AGBL1: variants seen among roughly 807,000 people sequenced by gnomAD.
AGBL1 encodes the protein cytosolic carboxypeptidase 4.
In AGBL1, 130 loss-of-function variants were observed where a neutral mutation model predicts 118.9. The ratio of observed to expected loss-of-function variants is 1.09; its 90% CI spans 0.95 to 1.26. The LOEUF (loss-of-function observed/expected upper bound fraction) is 1.26. Among genes scored for constraint, AGBL1 ranks in the 50% most tolerant of loss-of-function variants. The pLI is 0.00. For missense variants in AGBL1, 1,584 were observed against 1,298.1 expected (o/e 1.22, Z -3.38); for synonymous variants, 555 against 478.9 (o/e 1.16, Z -2.08).
chr15:86,448,877 G>C (rs1490086034), intron 18 of AGBL1, among the ~76,000 whole-genome samples: 1 of 152,142 alleles, frequency 6.6e-6, no homozygotes, highest in South Asian at 2.1e-4. Flanking sequence ...GCTGATTTCC[G>C]AAGGAATATA....
chr15:86,188,703 T>C (rs1246899624), intron 5 of AGBL1, among the ~76,000 whole-genome samples: 1 of 152,168 alleles, frequency 6.6e-6, no homozygotes, highest in Non-Finnish European at 1.5e-5. Context: ...ATGTTTGACT[T>C]TATAAAAATG....
At chr15:86,105,751 A>G (rs1897018580) in intron 1 of AGBL1, among the ~76,000 whole-genome samples, 2 of 152,200 alleles carry the variant, frequency 1.3e-5, no homozygotes, top group African/African-American at 4.8e-5. Context: ...TACACAAATA[A>G]GTGTCTTCTA....
At chr15:86,574,715 C>T (rs1405334252) in intron 21 of AGBL1, among the ~76,000 whole-genome samples, 8 of 151,060 alleles carry the variant, frequency 5.3e-5, no homozygotes, top group African/African-American at 1.9e-4. Flanking sequence ...GTACCTGGGA[C>T]TACAGGCAAG....
intron 17 of AGBL1, among the ~76,000 whole-genome samples, chr15:86,376,408 CA>C (rs1434210320): frequency 6.6e-6 from 1 of 152,148 alleles, no homozygotes; most frequent in East Asian, 1.9e-4. Flanking sequence ...TAATTTATTA[CA>C]GGGAAAGAAT....
intron 22 of AGBL1, among the ~76,000 whole-genome samples, chr15:86,709,126 C>T (rs969258017): frequency 3.3e-5 from 5 of 152,106 alleles, no homozygotes; most frequent in Non-Finnish European, 7.4e-5. Flanking sequence ...CTATGGTATT[C>T]CCTCTCCTGG....
At chr15:86,563,201 G>T (rs1314050782) in intron 21 of AGBL1, among the ~76,000 whole-genome samples, 1 of 151,982 alleles carries the variant, frequency 6.6e-6, no homozygotes, top group African/African-American at 2.4e-5. Flanking sequence ...GAATGTGTTT[G>T]CTCTTGCTTC....
chr15:86,588,966 T>C (rs940354051), intron 21 of AGBL1, among the ~76,000 whole-genome samples: 1 of 152,204 alleles, frequency 6.6e-6, no homozygotes, highest in Middle Eastern at 3.2e-3. Context: ...TTCCCGTTCA[T>C]GTATCTTTCA....
intron 1 of AGBL1, among the ~76,000 whole-genome samples, chr15:86,133,635 C>G (rs1357291118): frequency 1.3e-5 from 2 of 152,308 alleles, no homozygotes; most frequent in East Asian, 1.9e-4. Flanking sequence ...TACATTCTAT[C>G]TTTACCTTGT....
At chr15:86,769,494 A>G (rs1391352678) in intron 22 of AGBL1, among the ~76,000 whole-genome samples, 4 of 151,948 alleles carry the variant, frequency 2.6e-5, no homozygotes, top group African/African-American at 9.7e-5. Context: ...GTCATTGACT[A>G]AGGACTCTGA....
At chr15:86,133,657 A>G (rs1373734060) in intron 1 of AGBL1, among the ~76,000 whole-genome samples, 2 of 152,220 alleles carry the variant, frequency 1.3e-5, no homozygotes. Context: ...CTAGACCGTG[A>G]ATACCCTTTT....
At chr15:86,171,574 G>C (rs2077415875) in intron 5 of AGBL1, among the ~76,000 whole-genome samples, 1 of 152,088 alleles carries the variant, frequency 6.6e-6, no homozygotes, top group Non-Finnish European at 1.5e-5. Context: ...AAGAGAAAAA[G>C]GTAGTTGAAG....
At chr15:86,170,427 A>G (rs2077398167) in intron 5 of AGBL1, among the ~76,000 whole-genome samples, 1 of 152,206 alleles carries the variant, frequency 6.6e-6, no homozygotes, top group African/African-American at 2.4e-5. Flanking sequence ...AGGTAGGGAC[A>G]GAAAAAAATA....
Position 87,002,410 on chromosome 15 carries a change from G to A in AGBL1, c.3323+14322G>A, listed in dbSNP as rs1285349998. ...GTAGTATAGTTTGAAGTCAGGTAGT[G>A]TGATGCCTCCAGCTTTGTTCTTTGG... On this transcript the variant is annotated intron_variant, in intron 24 of 24. Coordinates refer to the AGBL1 transcript ENST00000441037. Among the ~76,000 whole-genome samples the A allele has an allele frequency of 7.2e-5, 11 of 151,960 alleles. No homozygotes were observed. The South Asian group carries it at 8.3e-4, about 12-fold the overall frequency.
chr15:86,889,309 G>A (rs1191930533), intron 22 of AGBL1, among the ~76,000 whole-genome samples: 1 of 127,948 alleles, frequency 7.8e-6, no homozygotes, highest in Non-Finnish European at 1.5e-5. Flanking sequence ...AGTGCTTTCG[G>A]CAAATCTATA....
intron 21 of AGBL1, among the ~76,000 whole-genome samples, chr15:86,577,820 G>T (rs2084114249): frequency 9.0e-6 from 1 of 111,356 alleles, no homozygotes; most frequent in African/African-American, 3.6e-5. Context: ...GCCTGTGAGT[G>T]CACAGAAGTC....
chr15:86,156,334 G>T (rs2141697398), intron 4 of AGBL1, among the ~76,000 whole-genome samples: 1 of 152,226 alleles, frequency 6.6e-6, no homozygotes, highest in East Asian at 1.9e-4. Flanking sequence ...GTCCTCACAA[G>T]GTCTTTCTTC....
intron 6 of AGBL1, 63 bp from the exon 7 acceptor site, chr15:86,247,608 A>T (rs1354507742): frequency 8.3e-6 from 12 of 1,452,646 alleles, no homozygotes; most frequent in Non-Finnish European, 1.0e-5. Flanking sequence ...ACACTGGAAC[A>T]TTCTCAAAGA....
intron 22 of AGBL1, among the ~76,000 whole-genome samples, chr15:86,836,426 A>G (rs1447838790): frequency 6.6e-6 from 1 of 152,158 alleles, no homozygotes; most frequent in African/African-American, 2.4e-5. Flanking sequence ...AAATTAATTA[A>G]CACAGTGTAA....
At chr15:86,474,277 C>T (rs576614634) in intron 18 of AGBL1, among the ~76,000 whole-genome samples, 5 of 152,318 alleles carry the variant, frequency 3.3e-5, no homozygotes, top group South Asian at 4.1e-4. Flanking sequence ...AAGGGCAAGG[C>T]ATTGCCTCAT....
Sources: allele counts gnomAD v4.1 joint callset (sites outside exome capture counted in the v4.1 genomes callset), GRCh38; gene constraint gnomAD v4.1.1; transcripts MANE v1.5; gene names NCBI Gene and HGNC (gene_info 2026-07-23, HGNC 2026-07-21).